Variants in MEF2C observed in about 807,000 individuals in gnomAD.
MEF2C encodes the protein myocyte-specific enhancer factor 2C.
A neutral mutation model predicts 50.5 loss-of-function variants in MEF2C; 6 were observed. The ratio of observed to expected loss-of-function variants is 0.12; its 90% CI spans 0.07 to 0.23. The LOEUF is 0.23. Among genes scored for constraint, MEF2C ranks in the 10% least tolerant of loss-of-function variants. The pLI, the probability that MEF2C is intolerant of heterozygous loss-of-function variation, is 1.00. For synonymous variants in MEF2C, 183 were observed against 228.0 expected (o/e 0.80, Z 1.78); for missense variants, 276 against 605.0 (o/e 0.46, Z 5.70).
chr5:88,897,575 T>C (rs1349732123), intron 1 of MEF2C, among the ~76,000 whole-genome samples: 2 of 152,228 alleles, frequency 1.3e-5, no homozygotes, highest in Non-Finnish European at 2.9e-5. Flanking sequence ...AGCTGTATTA[T>C]TTAGCATCTT....
intron 1 of MEF2C, among the ~76,000 whole-genome samples, chr5:88,892,011 TAATAAC>T (rs1472396421): frequency 6.9e-6 from 1 of 145,664 alleles, no homozygotes; most frequent in Non-Finnish European, 1.6e-5. Flanking sequence ...AATTTTAAAT[TAATAAC>T]AATAAATTAT....
At chr5:88,876,072 T>G (rs1038408686) in intron 1 of MEF2C, among the ~76,000 whole-genome samples, 2 of 151,190 alleles carry the variant, frequency 1.3e-5, no homozygotes, top group South Asian at 2.1e-4. Context: ...AGTTTTTTTT[T>G]TTTTTTTTTT....
chr5:88,773,452 GTC>G (rs766196421), intron 3 of MEF2C, among the ~76,000 whole-genome samples: 4 of 152,080 alleles, frequency 2.6e-5, no homozygotes, highest in Non-Finnish European at 4.4e-5. Context: ...TAGAATTAAT[GTC>G]TCTTTTATTC....
intron 3 of MEF2C, chr5:88,775,946 T>C (rs1004418345): frequency 6.1e-6 from 2 of 329,060 alleles, no homozygotes; most frequent in Non-Finnish European, 8.7e-6. Flanking sequence ...ATCTCATTTA[T>C]AACTTTAAAA....
intron 4 of MEF2C, among the ~76,000 whole-genome samples, chr5:88,759,092 C>T (rs573435186): frequency 1.0e-3 from 158 of 152,334 alleles, no homozygotes; most frequent in African/African-American, 3.3e-3. Flanking sequence ...ACCTAAGGTA[C>T]TCCGCCTTAA....
intron 3 of MEF2C, among the ~76,000 whole-genome samples, chr5:88,773,689 T>C (rs528950244): frequency 8.5e-5 from 13 of 152,298 alleles, no homozygotes; most frequent in African/African-American, 2.6e-4. Flanking sequence ...AGCCTGATGA[T>C]ATACAATGGA....
chr5:88,731,716 A>C lies in MEF2C; in HGVS notation c.810+13T>G, dbSNP rs1268065315. On this transcript the variant is annotated intron_variant, in intron 7 of 10. Transcript: ENST00000504921. ...CATTATCAATATTTATTTAAAATGT[A>C]GTTTTGTATTACCACTGATGGCATC... 1 of 1,605,654 alleles carries C rather than the reference A, an allele frequency of 6.2e-7. No individual in the cohort carries two copies. The highest frequency in any genetic ancestry group is 1.7e-5 in the Admixed American group (1 of 59,848).
At position 88,725,051 on chromosome 5, in the gene MEF2C, G is replaced by T. The variant is rs570105932; in HGVS notation, c.1101-2126C>A. On this transcript the variant is annotated intron_variant, in intron 10 of 10. Transcript: ENST00000504921. Reference sequence around the variant, plus strand: ...TTGGACAGTCTAAGCAGTTAATCTAGACAAGGTAAGGGAAAAATAATATAA... The same window carrying T: ...TTGGACAGTCTAAGCAGTTAATCTATACAAGGTAAGGGAAAAATAATATAA... 1.4e-3 allele frequency among the ~76,000 whole-genome samples: 215 copies of T among 152,168 alleles called. 1 individual carries two copies. Among genetic ancestry groups the T allele is most frequent in the African/African-American group, 4.9e-3 (204 of 41,550 alleles).
intron 1 of MEF2C, among the ~76,000 whole-genome samples, chr5:88,846,348 G>A (rs1226012986): frequency 2.0e-5 from 3 of 152,158 alleles, no homozygotes; most frequent in African/African-American, 7.2e-5. Flanking sequence ...AATTACAGGC[G>A]TGAGCCACCA....
At chr5:88,770,677 G>C (rs995159493) in intron 3 of MEF2C, among the ~76,000 whole-genome samples, 1 of 152,040 alleles carries the variant, frequency 6.6e-6, no homozygotes, top group African/African-American at 2.4e-5. Flanking sequence ...CCTTGATTCC[G>C]TAATTTCTTG....
chr5:88,857,894 T>C (rs1474831946), intron 1 of MEF2C, among the ~76,000 whole-genome samples: 1 of 152,244 alleles, frequency 6.6e-6, no homozygotes, highest in South Asian at 2.1e-4. Flanking sequence ...TCAGATTTCC[T>C]GTAAAGTAGC....
At chr5:88,843,856 C>CTGGA (rs1420402896) in intron 1 of MEF2C, among the ~76,000 whole-genome samples, 6 of 147,758 alleles carry the variant, frequency 4.1e-5, no homozygotes, top group Non-Finnish European at 8.9e-5. Context: ...GTCACCCAGG[C>CTGGA]TGGAGTGCAG....
intron 6 of MEF2C, chr5:88,748,283 C>A (rs1358006407): frequency 1.3e-6 from 1 of 743,948 alleles, no homozygotes; most frequent in South Asian, 6.1e-5. Flanking sequence ...TCAAACATAA[C>A]CTTGTGTCAT....
At chr5:88,786,250 G>A (rs1436087339) in intron 3 of MEF2C, among the ~76,000 whole-genome samples, 1 of 152,128 alleles carries the variant, frequency 6.6e-6, no homozygotes, top group Non-Finnish European at 1.5e-5. Flanking sequence ...AGAGTTCAGG[G>A]TTTTAAAAAT....
At chr5:88,771,076 T>G (rs576880846) in intron 3 of MEF2C, among the ~76,000 whole-genome samples, 106 of 152,304 alleles carry the variant, frequency 7.0e-4, no homozygotes, top group African/African-American at 2.4e-3. Context: ...GAACCCCCAT[T>G]TATAAAACCA....
chr5:88,886,386 A>AT (rs1342839104), upstream of MEF2C, among the ~76,000 whole-genome samples: 1 of 151,998 alleles, frequency 6.6e-6, no homozygotes, highest in Non-Finnish European at 1.5e-5. Context: ...GGATCAGACT[A>AT]TTTTCTCATG....
intron 2 of MEF2C, among the ~76,000 whole-genome samples, chr5:88,811,024 A>G (rs1209841648): frequency 6.6e-6 from 1 of 152,116 alleles, no homozygotes; most frequent in Non-Finnish European, 1.5e-5. Context: ...AAGGATCTAA[A>G]GTTTTAGCGT....
intron 1 of MEF2C, among the ~76,000 whole-genome samples, chr5:88,874,756 A>G (rs1279819485): frequency 6.6e-6 from 1 of 152,014 alleles, no homozygotes; most frequent in Admixed American, 6.6e-5. Context: ...GGTAAATTTC[A>G]TATAGGCAAT....
intron 3 of MEF2C, among the ~76,000 whole-genome samples, chr5:88,783,739 T>C (rs1484961040): frequency 6.6e-6 from 1 of 152,226 alleles, no homozygotes; most frequent in Admixed American, 6.5e-5. Flanking sequence ...CTCAACACTG[T>C]GCTATGTTGC....
Sources: gnomAD v4.1 joint callset for allele counts (sites outside exome capture counted in the v4.1 genomes callset) on GRCh38, gnomAD v4.1.1 for gene constraint, MANE v1.5 for transcripts, NCBI Gene and HGNC (gene_info 2026-07-23, HGNC 2026-07-21) for gene names.